Variants in PHF21A observed in about 807,000 individuals in gnomAD.
The protein encoded by PHF21A is BHC80a.
In PHF21A, 11 loss-of-function variants were observed where a neutral mutation model predicts 82.5. That is an observed-to-expected ratio of 0.13 (90% CI 0.08 to 0.22). The LOEUF (loss-of-function observed/expected upper bound fraction) is 0.22, where lower values mean the gene tolerates loss of function less well. Among genes scored for constraint, PHF21A ranks in the 10% least tolerant of loss-of-function variants. The pLI is 1.00. For missense variants in PHF21A, 579 were observed against 837.8 expected, an observed-to-expected ratio of 0.69 and a Z score of 3.81; for synonymous variants, 297 against 302.8, an observed-to-expected ratio of 0.98 and a Z score of 0.20.
In PHF21A at chr11:45,953,350, C is replaced by G. The variant is rs2092346578; in HGVS notation, c.1095+177G>C. On this transcript the variant is annotated intron_variant, in intron 11 of 18. Transcript: ENST00000676320. ...GTGCATGGACCCTCAAGACTACAGT[C>G]TAAGAATTCCACTCTAGACCAATCT... Among the ~76,000 whole-genome samples, 3 of 152,024 alleles carry G rather than the reference C, an allele frequency of 2.0e-5. 1 individual carries two copies. In the South Asian group the frequency reaches 6.2e-4, roughly 31 times the overall value.
intron 6 of PHF21A, among the ~76,000 whole-genome samples, chr11:46,066,597 G>A (rs1423015491): frequency 6.6e-6 from 1 of 152,162 alleles, no homozygotes. Context: ...CACTTGGGAG[G>A]CTCAGGTGGT....
chr11:46,059,763 G>A (rs966550079), intron 6 of PHF21A, among the ~76,000 whole-genome samples: 1 of 152,132 alleles, frequency 6.6e-6, no homozygotes, highest in African/African-American at 2.4e-5. Flanking sequence ...GTCTCACTCT[G>A]TTGCCCAGGC....
intron 1 of PHF21A, among the ~76,000 whole-genome samples, chr11:46,114,354 T>G (rs929169706): frequency 2.0e-5 from 3 of 152,204 alleles, no homozygotes; most frequent in Non-Finnish European, 2.9e-5. Context: ...GCAATCTGCA[T>G]CAGGAGGCCT....
At chr11:45,987,022 A>T (rs1171498296) in intron 6 of PHF21A, among the ~76,000 whole-genome samples, 1 of 152,140 alleles carries the variant, frequency 6.6e-6, no homozygotes, top group Non-Finnish European at 1.5e-5. Context: ...TACATCCCAG[A>T]TTTCTTATAC....
chr11:45,998,237 C>T (rs917619840), intron 6 of PHF21A, among the ~76,000 whole-genome samples: 3 of 152,150 alleles, frequency 2.0e-5, no homozygotes, highest in Admixed American at 1.3e-4. Context: ...AGAAAAGGTT[C>T]TCAGAACATC....
chr11:46,072,153 T>C (rs935853372), intron 6 of PHF21A, among the ~76,000 whole-genome samples: 2 of 152,232 alleles, frequency 1.3e-5, no homozygotes, highest in East Asian at 1.9e-4. Flanking sequence ...GCTACTGTAA[T>C]AGAAAATGCT....
At chr11:46,099,658 AG>A (rs759250089) in intron 1 of PHF21A, among the ~76,000 whole-genome samples, 1 of 152,184 alleles carries the variant, frequency 6.6e-6, no homozygotes, top group Non-Finnish European at 1.5e-5. Flanking sequence ...GAAAACTCAG[AG>A]TAGGCCTTAC....
At chr11:46,052,059 G>T (rs990971985) in intron 6 of PHF21A, among the ~76,000 whole-genome samples, 1 of 152,182 alleles carries the variant, frequency 6.6e-6, no homozygotes, top group Non-Finnish European at 1.5e-5. Flanking sequence ...GATGATCCAG[G>T]AGTAGCATAT....
intron 6 of PHF21A, among the ~76,000 whole-genome samples, chr11:46,035,766 C>G (rs1481963306): frequency 6.6e-6 from 1 of 151,988 alleles, no homozygotes; most frequent in Non-Finnish European, 1.5e-5. Flanking sequence ...TTCAAAGATG[C>G]AGAAAGACTA....
chr11:46,045,535 GA>G (rs2096244337), intron 6 of PHF21A, among the ~76,000 whole-genome samples: 1 of 152,198 alleles, frequency 6.6e-6, no homozygotes, highest in East Asian at 1.9e-4. Context: ...CTAGGAATTG[GA>G]AAAAATTTAT....
chr11:45,937,039 T>C (rs1440090918), intron 16 of PHF21A, among the ~76,000 whole-genome samples: 1 of 152,172 alleles, frequency 6.6e-6, no homozygotes, highest in African/African-American at 2.4e-5. Context: ...TAAAGTATAA[T>C]CTAGACCCTA....
intron 6 of PHF21A, among the ~76,000 whole-genome samples, chr11:46,040,916 C>T (rs2096123109): frequency 1.3e-5 from 2 of 149,224 alleles, no homozygotes; most frequent in Non-Finnish European, 3.0e-5. Context: ...CACACACACA[C>T]ACACACACAC....
At chr11:46,030,836 T>C (rs1305246332) in intron 6 of PHF21A, among the ~76,000 whole-genome samples, 3 of 68,696 alleles carry the variant, frequency 4.4e-5, no homozygotes, top group African/African-American at 7.5e-5. Flanking sequence ...TGTGCGTGTG[T>C]GTGTGTGTGT....
chr11:46,074,760 C>T (rs2134901275), intron 6 of PHF21A, among the ~76,000 whole-genome samples: 1 of 152,328 alleles, frequency 6.6e-6, no homozygotes, highest in African/African-American at 2.4e-5. Flanking sequence ...ACCTTGGCCT[C>T]CCAAAGTGCT....
At chr11:46,008,148 C>T (rs574577949) in intron 6 of PHF21A, among the ~76,000 whole-genome samples, 124 of 152,334 alleles carry the variant, frequency 8.1e-4, no homozygotes, top group African/African-American at 2.6e-3. Context: ...ATTTCAGCAC[C>T]TTCCCCTACA....
chr11:46,044,874 T>C (rs1412008974), intron 6 of PHF21A, among the ~76,000 whole-genome samples: 1 of 152,210 alleles, frequency 6.6e-6, no homozygotes, highest in Non-Finnish European at 1.5e-5. Flanking sequence ...TATAAATTCA[T>C]TTTACCCTTC....
At chr11:46,100,854 A>G (rs1191183308) in intron 1 of PHF21A, among the ~76,000 whole-genome samples, 1 of 152,248 alleles carries the variant, frequency 6.6e-6, no homozygotes, top group African/African-American at 2.4e-5. Context: ...CAAACAAGGG[A>G]GCACATAGCA....
At chr11:46,065,157 G>C (rs2096579707) in intron 6 of PHF21A, among the ~76,000 whole-genome samples, 1 of 152,088 alleles carries the variant, frequency 6.6e-6, no homozygotes, top group Non-Finnish European at 1.5e-5. Flanking sequence ...TAGGTATCTA[G>C]CTTCCAAATG....
intron 6 of PHF21A, among the ~76,000 whole-genome samples, chr11:46,067,414 G>A (rs141271625): frequency 6.6e-6 from 1 of 152,260 alleles, no homozygotes; most frequent in East Asian, 1.9e-4. Flanking sequence ...GTTTCTAGAT[G>A]TATCAAGTTT....
Sources: gnomAD v4.1 joint callset for allele counts (sites outside exome capture counted in the v4.1 genomes callset) on GRCh38, gnomAD v4.1.1 for gene constraint, MANE v1.5 for transcripts, NCBI Gene and HGNC (gene_info 2026-07-23, HGNC 2026-07-21) for gene names.